CNTNAP5: variants seen among roughly 807,000 people sequenced by gnomAD.
The protein encoded by CNTNAP5 is contactin associated protein family member 5.
CNTNAP5 carries 72 observed loss-of-function variants against 150.2 expected under a neutral mutation model. The ratio of observed to expected loss-of-function variants is 0.48; its 90% CI spans 0.40 to 0.58. The LOEUF is 0.58. Ranked by LOEUF, CNTNAP5 falls within the 20% of genes least tolerant of loss-of-function variation. The pLI, the probability that CNTNAP5 is intolerant of heterozygous loss-of-function variation, is 0.00. For synonymous variants in CNTNAP5, 672 were observed against 619.8 expected (o/e 1.08, Z -1.25); for missense variants, 1,636 against 1,626.2 (o/e 1.01, Z -0.10).
intron 1 of CNTNAP5, among the ~76,000 whole-genome samples, chr2:124,158,093 A>G (rs187055942): frequency 3.9e-5 from 6 of 152,322 alleles, no homozygotes; most frequent in Middle Eastern, 3.4e-3. Flanking sequence ...GGGTCACTGA[A>G]TTAAACAATC....
At chr2:124,367,531 C>A (rs1690408589) in intron 3 of CNTNAP5, among the ~76,000 whole-genome samples, 1 of 152,096 alleles carries the variant, frequency 6.6e-6, no homozygotes, top group South Asian at 2.1e-4. Context: ...ATGGGAAATA[C>A]AATTCAAGAT....
chr2:124,734,975 A>C (rs1680351705), intron 13 of CNTNAP5, among the ~76,000 whole-genome samples: 1 of 152,156 alleles, frequency 6.6e-6, no homozygotes, highest in Admixed American at 6.6e-5. Context: ...GAAGTAAATG[A>C]AGAATCTTGG....
intron 3 of CNTNAP5, among the ~76,000 whole-genome samples, chr2:124,291,219 T>C (rs1047505036): frequency 1.3e-5 from 2 of 152,122 alleles, no homozygotes; most frequent in Non-Finnish European, 2.9e-5. Context: ...TCTCCACAGA[T>C]AGATTCTATC....
At chr2:124,127,740 C>A (rs1046115233) in intron 1 of CNTNAP5, among the ~76,000 whole-genome samples, 2 of 152,142 alleles carry the variant, frequency 1.3e-5, no homozygotes, top group African/African-American at 4.8e-5. Context: ...CAACAGAGCC[C>A]TCAGAAATAA....
At chr2:124,622,781 C>G (rs1361334285) in intron 12 of CNTNAP5, among the ~76,000 whole-genome samples, 1 of 152,086 alleles carries the variant, frequency 6.6e-6, no homozygotes, top group African/African-American at 2.4e-5. Flanking sequence ...CAGGCTTATA[C>G]AAAAGCAAGC....
intron 12 of CNTNAP5, among the ~76,000 whole-genome samples, chr2:124,629,242 A>C (rs1573508300): frequency 6.6e-6 from 1 of 152,182 alleles, no homozygotes; most frequent in Admixed American, 6.6e-5. Flanking sequence ...TCTACCCCAA[A>C]GCAACAGAAT....
At chr2:124,341,209 C>A (rs1397061536) in intron 3 of CNTNAP5, among the ~76,000 whole-genome samples, 1 of 152,098 alleles carries the variant, frequency 6.6e-6, no homozygotes, top group Non-Finnish European at 1.5e-5. Context: ...ACTTGCATTT[C>A]TTCCAAAAGA....
In CNTNAP5 at chr2:124,543,678, A is replaced by T. The variant is rs567341998; in HGVS notation, c.1649+16222A>T. Among the ~76,000 whole-genome samples the T allele has an allele frequency of 2.0e-5, 3 of 152,148 alleles. No homozygotes were observed. In the East Asian group the frequency reaches 5.8e-4, roughly 29 times the overall value. On this transcript the variant is annotated intron_variant, in intron 10 of 23. Coordinates refer to ENST00000682447, the MANE Select transcript of CNTNAP5 (RefSeq NM_001367498.1). ...CTGCCACTGTTTTTTAGATTTATTT[A>T]TTTTTTTCTTTCTTTTTCAGAAGTG...
intron 13 of CNTNAP5, among the ~76,000 whole-genome samples, chr2:124,737,290 C>CT (rs1680404297): frequency 1.6e-5 from 2 of 126,644 alleles, no homozygotes; most frequent in South Asian, 5.4e-4. Context: ...GACTCCATCT[C>CT]AAAAAAAAAA....
chr2:124,386,603 C>T (rs1191701078), intron 3 of CNTNAP5, among the ~76,000 whole-genome samples: 4 of 152,238 alleles, frequency 2.6e-5, no homozygotes, highest in Non-Finnish European at 4.4e-5. Flanking sequence ...TTGCAGCCTT[C>T]TTCAATAACT....
chr2:124,124,348 G>C (rs369628570), intron 1 of CNTNAP5, among the ~76,000 whole-genome samples: 1 of 152,146 alleles, frequency 6.6e-6, no homozygotes, highest in East Asian at 1.9e-4. Context: ...GAAGTGAAAA[G>C]AGAAGTTTAG....
At position 124,717,190 on chromosome 2, in the gene CNTNAP5, T is replaced by C. The variant is rs555744847; in HGVS notation, c.2078-30039T>C. ...GAATTGAATTTGATTTGCTTTGTGATGGTGATTCAGAGGTGACGGAGGAGC... is the reference window on the plus strand; with the variant it reads ...GAATTGAATTTGATTTGCTTTGTGACGGTGATTCAGAGGTGACGGAGGAGC... On this transcript the variant is annotated intron_variant, in intron 13 of 23. Coordinates refer to ENST00000682447, the MANE Select transcript of CNTNAP5 (RefSeq NM_001367498.1). Among the ~76,000 whole-genome samples, 4 of 152,268 alleles carry C rather than the reference T, an allele frequency of 2.6e-5. No homozygotes were observed. The East Asian group carries it at 7.7e-4, about 29-fold the overall frequency.
At chr2:124,775,975 T>C (rs913165413) in intron 17 of CNTNAP5, among the ~76,000 whole-genome samples, 2 of 152,154 alleles carry the variant, frequency 1.3e-5, no homozygotes, top group African/African-American at 4.8e-5. Flanking sequence ...CCATAGGCCC[T>C]GGGTAGAAAA....
chr2:124,503,596 C>T (rs1011000715), intron 7 of CNTNAP5, among the ~76,000 whole-genome samples: 35 of 152,186 alleles, frequency 2.3e-4, no homozygotes, highest in Admixed American at 2.0e-4. Context: ...ATATATGGCC[C>T]ATGTCACTGC....
At chr2:124,317,166 C>T (rs1263829411) in intron 3 of CNTNAP5, among the ~76,000 whole-genome samples, 1 of 152,150 alleles carries the variant, frequency 6.6e-6, no homozygotes, top group Non-Finnish European at 1.5e-5. Flanking sequence ...AAAAACCTCA[C>T]ATGACTTCAG....
At chr2:124,237,900 A>C (rs1333240366) in intron 2 of CNTNAP5, among the ~76,000 whole-genome samples, 2 of 152,136 alleles carry the variant, frequency 1.3e-5, no homozygotes, top group Non-Finnish European at 2.9e-5. Flanking sequence ...TCTCCATACA[A>C]GTCTATTCTT....
chr2:124,593,377 T>C (rs1696746923), intron 11 of CNTNAP5, among the ~76,000 whole-genome samples: 1 of 112,670 alleles, frequency 8.9e-6, no homozygotes, highest in Non-Finnish European at 1.8e-5. Context: ...TGAGTGAGAA[T>C]ATGCGGTGTT....
chr2:124,097,346 A>C (rs1410035375), intron 1 of CNTNAP5, among the ~76,000 whole-genome samples: 4 of 152,192 alleles, frequency 2.6e-5, no homozygotes, highest in Non-Finnish European at 5.9e-5. Flanking sequence ...CATCCACCAC[A>C]GAGATGTTGC....
intron 1 of CNTNAP5, among the ~76,000 whole-genome samples, chr2:124,134,615 T>G (rs1192785765): frequency 6.6e-6 from 1 of 152,194 alleles, no homozygotes. Context: ...AACCCAATTG[T>G]GCATGGTCCT....
Sources: allele counts gnomAD v4.1 joint callset (sites outside exome capture counted in the v4.1 genomes callset), GRCh38; gene constraint gnomAD v4.1.1; transcripts MANE v1.5; gene names NCBI Gene and HGNC (gene_info 2026-07-23, HGNC 2026-07-21).